MRPL21: variants seen among roughly 807,000 people sequenced by gnomAD.
MRPL21 encodes the protein mitochondrial ribosomal protein L21, also known as large ribosomal subunit protein bL21m.
A neutral mutation model predicts 27.3 loss-of-function variants in MRPL21; 20 were observed. The ratio of observed to expected loss-of-function variants is 0.73; its 90% CI spans 0.52 to 1.06. The LOEUF is 1.06. Among genes scored for constraint, MRPL21 ranks in the 50% least tolerant of loss-of-function variants. The probability of loss-of-function intolerance (pLI) is 0.00; values close to 1 mark genes in which losing one functional copy is unlikely to be tolerated. For synonymous variants in MRPL21, 98 were observed against 101.5 expected (o/e 0.97, Z 0.21); for missense variants, 249 against 251.4 (o/e 0.99, Z 0.06).
At chr11:68,892,770 C>T (rs1366920008) in intron 6 of MRPL21, 120 bp downstream of exon 6, 2 of 1,543,434 alleles carry the variant, frequency 1.3e-6, no homozygotes, top group Admixed American at 2.0e-5. Flanking sequence ...CAGTGGCAGC[C>T]AGGTTGAGAC....
At chr11:68,893,842 G>A (rs972300605) in intron 4 of MRPL21, among the ~76,000 whole-genome samples, 1 of 152,142 alleles carries the variant, frequency 6.6e-6, no homozygotes, top group Non-Finnish European at 1.5e-5. Context: ...GGGAGGCCGA[G>A]GTGGGTGGAT....
At chr11:68,895,478 C>T (rs1406748752) in intron 4 of MRPL21, among the ~76,000 whole-genome samples, 3 of 151,812 alleles carry the variant, frequency 2.0e-5, no homozygotes, top group Admixed American at 6.6e-5. Context: ...GGTGAAACCC[C>T]ATCTCAACTA....
intron 6 of MRPL21, chr11:68,892,049 CGTGGAGG>C: frequency 7.8e-7 from 1 of 1,284,048 alleles, no homozygotes; most frequent in Non-Finnish European, 1.0e-6. Flanking sequence ...TGGGGTCATG[CGTGGAGG>C]GTGGAGGAGA....
At position 68,892,913 on chromosome 11, in the gene MRPL21, C is replaced by G; in HGVS notation, c.530G>C (p.Arg177Thr). The stretch of plus-strand genomic sequence containing the variant: ...ACTTCTTTTCTTCTTGAAGTTTTTC[C>G]TTTTCCTGAATCTCATAATGATTCT... ...WPRIIMRFRK[R>T]KNFKKKRIVT... Residue 177 changes from arginine to threonine, a missense_variant, in exon 6 of 7, where the codon AGG becomes ACG. By Grantham distance (71) the Arg-to-Thr change is moderately conservative. Transcript: ENST00000362034. 2.5e-6 allele frequency: 4 copies of G among 1,613,356 alleles called. No individual in the cohort carries two copies. The highest frequency in any genetic ancestry group is 1.1e-5 in the South Asian group (1 of 90,908).
rs576843145 is a variant in MRPL21 at position 68,892,826 on chromosome 11, G to A, written c.553+64C>T. The A allele has an allele frequency of 6.9e-4, 1,085 of 1,576,620 alleles. 1 individual carries two copies. The highest frequency in any genetic ancestry group is 8.7e-4 in the East Asian group (38 of 43,830). The stretch of plus-strand genomic sequence containing the variant: ...GAGACCCACGTGCCCCACACCCTCC[G>A]TCCGCATGCGCCTGGGCAACCAGCA... On this transcript the variant is annotated intron_variant, in intron 6 of 6. Transcript: ENST00000362034.
intron 2 of MRPL21, among the ~76,000 whole-genome samples, chr11:68,898,720 A>T (rs1165709962): frequency 6.6e-6 from 1 of 152,160 alleles, no homozygotes; most frequent in Non-Finnish European, 1.5e-5. Flanking sequence ...GCTCAGTCTC[A>T]GCAGCTATAG....
chr11:68,897,752 A>G lies in MRPL21; in HGVS notation c.232+175T>C. 4 of 602,042 alleles carry G rather than the reference A, an allele frequency of 6.6e-6. No homozygotes were observed. In the South Asian group the frequency reaches 8.4e-5, roughly 13 times the overall value. 37.3% of individuals were successfully genotyped at this position (602,042 alleles called of 1,614,324 possible). A position where few individuals can be genotyped will look rare whatever the true frequency, so the allele number is the denominator to read the frequency against. On this transcript the variant is annotated intron_variant, in intron 3 of 6. Transcript: ENST00000362034. ...GTTCAAGGAGTAGTTAATGAAAAAC[A>G]TCTGAAATTCTGGTGTTAACTGGTG...
In MRPL21 at chr11:68,897,968, A is replaced by T. The variant is rs148367955; in HGVS notation, c.191T>A (p.Val64Asp). The T allele has an allele frequency of 1.3e-4, 209 of 1,614,196 alleles. No individual in the cohort carries two copies. The African/African-American group carries it at 2.4e-3, about 19-fold the overall frequency. The change falls in exon 3 of 7, where the codon GTT becomes GAT. Residue 64 changes from valine to aspartate, a missense_variant. Transcript: ENST00000362034. ...CTCCTCAACTGGGTCTGGCAGAACA[A>T]CTTCTGGCCAAGGTGGTGAACTCAG... ...TSLSSPPWPE[V>D]VLPDPVEETR...
At chr11:68,893,052 G>A in intron 5 of MRPL21, 59 bp from the exon 6 acceptor site, 1 of 1,469,496 alleles carries the variant, frequency 6.8e-7, no homozygotes. Flanking sequence ...AAATGCCTTA[G>A]GTGAGAATTT....
In MRPL21 at chr11:68,891,871, A is replaced by G. The variant is rs1857654072; in HGVS notation, c.554-476T>C. 8.3e-6 allele frequency: 4 copies of G among 479,646 alleles called. No individual in the cohort carries two copies. In the East Asian group the frequency reaches 1.2e-4, roughly 15 times the overall value. The allele number at this position is 479,646 out of a possible 1,614,324, so 29.7% of individuals were successfully genotyped here. Reference sequence around the variant, plus strand: ...TTATAGCAAGAGCTGTGAGGGACAGAATTCTGCAGCCGCTCAGCTATGTGG... The same window carrying G: ...TTATAGCAAGAGCTGTGAGGGACAGGATTCTGCAGCCGCTCAGCTATGTGG... On this transcript the variant is annotated intron_variant, in intron 6 of 6. Transcript: ENST00000362034.
Position 68,892,944 on chromosome 11 carries a change from A to T in MRPL21, c.499T>A (p.Trp167Arg). The T allele has an allele frequency of 6.2e-7, 1 of 1,612,888 alleles. No homozygotes were observed. The highest frequency in any genetic ancestry group is 8.5e-7 in the Non-Finnish European group (1 of 1,179,432). Residue 167 changes from tryptophan to arginine, a missense_variant, in exon 6 of 7, where the codon TGG (tryptophan) becomes AGG (arginine). Transcript: ENST00000362034. ...CTGAATCTCATAATGATTCTTGGCC[A>T]TGATTCTGTCTTTTCAATGACTGTG... ...EATVIEKTES[W>R]PRIIMRFRKR...
chr11:68,891,460 GC>G (rs1857645179), intron 6 of MRPL21, 65 bp from the exon 7 acceptor site: 2 of 1,531,400 alleles, frequency 1.3e-6, no homozygotes, highest in South Asian at 2.2e-5. Flanking sequence ...TACAGCAGGG[GC>G]TCTGCACACA....
At chr11:68,892,853 C>T (rs772094271) in intron 6 of MRPL21, 37 bp downstream of exon 6, 32 of 1,596,312 alleles carry the variant, frequency 2.0e-5, no homozygotes, top group Middle Eastern at 1.7e-4. Context: ...CAACCAGCAC[C>T]GTGCAACAGG....
rs773840362 is a variant in MRPL21 at position 68,903,823 on chromosome 11, G to C, written c.-13C>G. 1 of 1,035,478 alleles carries C rather than the reference G, an allele frequency of 9.7e-7. No homozygotes were observed. The highest frequency in any genetic ancestry group is 1.9e-5 in the Admixed American group (1 of 51,578). 64.1% of individuals were successfully genotyped at this position (1,035,478 alleles called of 1,614,324 possible). On this transcript the variant is annotated 5_prime_UTR_variant, in exon 1 of 7. Coordinates refer to ENST00000362034, the MANE Select transcript of MRPL21 (RefSeq NM_181514.2). ...AAGATGCTGCCATGGCCGCAGCCTC[G>C]GCCGGAAACGGAAACGACGCGAACC... is the stretch of plus-strand genomic sequence containing the variant.
chr11:68,896,866 C>T (rs1366200644), intron 3 of MRPL21, 188 bp from the exon 4 acceptor site: 4 of 651,948 alleles, frequency 6.1e-6, no homozygotes, highest in African/African-American at 5.5e-5. Flanking sequence ...GGCACAGGGT[C>T]AGTCTGCTGC....
intron 5 of MRPL21, 130 bp downstream of exon 5, chr11:68,893,273 A>G: frequency 1.3e-6 from 2 of 1,511,686 alleles, no homozygotes; most frequent in South Asian, 2.6e-5. Flanking sequence ...ATTATTAAGT[A>G]TAAATGTTGT....
At chr11:68,892,002 T>C in intron 6 of MRPL21, 1 of 1,011,212 alleles carries the variant, frequency 9.9e-7, no homozygotes, top group Non-Finnish European at 1.3e-6. Context: ...CACTGCTGCT[T>C]TGGGGACAGT....
chr11:68,896,441 T>C (rs1857789489), intron 4 of MRPL21, 74 bp downstream of exon 4: 2 of 1,553,228 alleles, frequency 1.3e-6, no homozygotes, highest in South Asian at 1.1e-5. Context: ...CCCTCCTCCG[T>C]GTGAGCTGGG....
intron 2 of MRPL21, among the ~76,000 whole-genome samples, chr11:68,898,360 T>C (rs908975811): frequency 3.9e-5 from 6 of 152,356 alleles, no homozygotes; most frequent in South Asian, 2.1e-4. Context: ...AGGCTGCCTC[T>C]ACTTTCCCCA....
Sources: gnomAD v4.1 joint callset for allele counts (sites outside exome capture counted in the v4.1 genomes callset) on GRCh38, gnomAD v4.1.1 for gene constraint, MANE v1.5 for transcripts, NCBI Gene and HGNC (gene_info 2026-07-23, HGNC 2026-07-21) for gene names.